CNTNAP4: variants seen among roughly 807,000 people sequenced by gnomAD.
CNTNAP4 encodes the protein contactin-associated protein-like 4.
In CNTNAP4, 98 loss-of-function variants were observed where a neutral mutation model predicts 148.4. That is an observed-to-expected ratio of 0.66 (90% confidence interval 0.56 to 0.78). The LOEUF (loss-of-function observed/expected upper bound fraction) is 0.78, where lower values mean the gene tolerates loss of function less well. CNTNAP4 is among the 30% of genes least tolerant of loss of function. The pLI, the probability that CNTNAP4 is intolerant of heterozygous loss-of-function variation, is 0.00. For synonymous variants in CNTNAP4, 730 were observed against 565.1 expected (o/e 1.29, Z -4.14); for missense variants, 1,935 against 1,565.6 (o/e 1.24, Z -3.98).
chr16:76,543,704 A>T (rs1207937954), intron 21 of CNTNAP4, among the ~76,000 whole-genome samples: 2 of 152,328 alleles, frequency 1.3e-5, no homozygotes, highest in Admixed American at 1.3e-4. Flanking sequence ...CTTGTTTGCC[A>T]GGGATGAGCC....
At chr16:76,393,522 G>T (rs2078097512) in intron 3 of CNTNAP4, among the ~76,000 whole-genome samples, 1 of 152,024 alleles carries the variant, frequency 6.6e-6, no homozygotes. Context: ...ACAGTCCTGG[G>T]CCCCAAAGTG....
chr16:76,558,308 A>G (rs554405868), intron 23 of CNTNAP4, 182 bp from the exon 24 acceptor site: 1 of 507,724 alleles, frequency 2.0e-6, no homozygotes, highest in Non-Finnish European at 3.5e-6. Context: ...GAACTCAGAA[A>G]TAAACTCAAC....
intron 3 of CNTNAP4, among the ~76,000 whole-genome samples, chr16:76,408,986 A>G (rs916546009): frequency 6.6e-6 from 1 of 152,044 alleles, no homozygotes; most frequent in Admixed American, 6.6e-5. Flanking sequence ...ACCTGCGGGA[A>G]CAAAGCCACA....
rs546714360 is a variant in CNTNAP4 at position 76,420,566 on chromosome 16, A to G, written c.391-6886A>G. Reference sequence around the variant, plus strand: ...CTTTATCCTAAAAAGTAGATCCTCTAAATTCTTACAAAAAGCCTATGGAAG... The same window carrying G: ...CTTTATCCTAAAAAGTAGATCCTCTGAATTCTTACAAAAAGCCTATGGAAG... On this transcript the variant is annotated intron_variant, in intron 3 of 23. Coordinates refer to ENST00000611870, the MANE Select transcript of CNTNAP4 (RefSeq NM_033401.5). Among the ~76,000 whole-genome samples, 8 of 152,056 alleles carry G rather than the reference A, an allele frequency of 5.3e-5. No homozygotes were observed. In the South Asian group the frequency reaches 1.5e-3, roughly 28 times the overall value.
intron 1 of CNTNAP4, among the ~76,000 whole-genome samples, chr16:76,306,186 A>T (rs750927299): frequency 2.0e-5 from 3 of 152,156 alleles, no homozygotes; most frequent in South Asian, 4.1e-4. Flanking sequence ...CAGTAATGAG[A>T]TTGCTGGATC....
At chr16:76,335,004 G>A (rs1438742420) in intron 2 of CNTNAP4, among the ~76,000 whole-genome samples, 1 of 152,086 alleles carries the variant, frequency 6.6e-6, no homozygotes, top group African/African-American at 2.4e-5. Context: ...GGAAAATGCT[G>A]TGGATCAGAA....
chr16:76,297,222 T>G (rs1307303733), intron 1 of CNTNAP4, among the ~76,000 whole-genome samples: 3 of 152,334 alleles, frequency 2.0e-5, no homozygotes, highest in Admixed American at 2.0e-4. Context: ...GGCATTTAGA[T>G]TTCATCATTT....
At chr16:76,428,477 T>C (rs1363021432) in intron 4 of CNTNAP4, among the ~76,000 whole-genome samples, 4 of 151,938 alleles carry the variant, frequency 2.6e-5, no homozygotes, top group Non-Finnish European at 5.9e-5. Flanking sequence ...TTTTCATACA[T>C]ACGCTGTCAC....
intron 4 of CNTNAP4, 103 bp downstream of exon 4, chr16:76,427,702 T>G: frequency 1.9e-6 from 2 of 1,065,938 alleles, no homozygotes; most frequent in Non-Finnish European, 2.6e-6. Context: ...TAAAGAGGTA[T>G]AAAAAATAGG....
At chr16:76,323,395 C>A (rs570350517) in intron 2 of CNTNAP4, among the ~76,000 whole-genome samples, 1 of 151,676 alleles carries the variant, frequency 6.6e-6, no homozygotes, top group South Asian at 2.1e-4. Flanking sequence ...AAATAAAGTT[C>A]CAGATTAATT....
intron 2 of CNTNAP4, among the ~76,000 whole-genome samples, chr16:76,352,093 G>A (rs893983908): frequency 6.6e-6 from 1 of 152,124 alleles, no homozygotes; most frequent in Non-Finnish European, 1.5e-5. Flanking sequence ...GGCTGAGAGG[G>A]TGACATTATA....
chr16:76,445,221 C>G (rs1205894175), intron 4 of CNTNAP4, among the ~76,000 whole-genome samples: 1 of 152,166 alleles, frequency 6.6e-6, no homozygotes. Flanking sequence ...GACCTGAGAA[C>G]TGAGAGAGCC....
chr16:76,292,564 T>C (rs1209897973), intron 1 of CNTNAP4, among the ~76,000 whole-genome samples: 1 of 152,222 alleles, frequency 6.6e-6, no homozygotes, highest in African/African-American at 2.4e-5. Flanking sequence ...TTTTCGGTTG[T>C]AACCATCAGC....
intron 1 of CNTNAP4, among the ~76,000 whole-genome samples, chr16:76,304,098 A>T (rs915905963): frequency 6.6e-6 from 1 of 152,154 alleles, no homozygotes; most frequent in Admixed American, 6.6e-5. Flanking sequence ...CCAGGTACCA[A>T]CTACTCTTTA....
chr16:76,549,630 TA>T (rs1275229099), intron 21 of CNTNAP4, among the ~76,000 whole-genome samples: 1 of 151,218 alleles, frequency 6.6e-6, no homozygotes, highest in Non-Finnish European at 1.5e-5. Context: ...GAGATTCTCA[TA>T]AAGCAAAAAA....
chr16:76,556,686 A>G (rs1187011152), intron 23 of CNTNAP4, among the ~76,000 whole-genome samples: 2 of 152,240 alleles, frequency 1.3e-5, no homozygotes, highest in African/African-American at 4.8e-5. Context: ...TTCTAAAATG[A>G]GAAGCAAAAT....
At chr16:76,406,155 C>G (rs1477172802) in intron 3 of CNTNAP4, among the ~76,000 whole-genome samples, 1 of 152,086 alleles carries the variant, frequency 6.6e-6, no homozygotes, top group Non-Finnish European at 1.5e-5. Flanking sequence ...CACTTTGTGT[C>G]TCTGTGTCAC....
chr16:76,518,821 C>G lies in CNTNAP4; in HGVS notation c.2366-2319C>G, dbSNP rs74651324. 7.3e-3 allele frequency among the ~76,000 whole-genome samples: 1,105 copies of G among 152,248 alleles called. 16 individuals carry two copies. The highest frequency in any genetic ancestry group is 0.023 in the African/African-American group (948 of 41,524). On this transcript the variant is annotated intron_variant, in intron 15 of 23. Coordinates refer to ENST00000611870, the MANE Select transcript of CNTNAP4 (RefSeq NM_033401.5). Reference sequence around the variant, plus strand: ...TTCTATCTAACTGGAATTTTGTATTCATTGCCCAATCTCTCTTCCTCTTTT... The same window carrying G: ...TTCTATCTAACTGGAATTTTGTATTGATTGCCCAATCTCTCTTCCTCTTTT...
chr16:76,487,190 C>T (rs2143749597), intron 12 of CNTNAP4, among the ~76,000 whole-genome samples: 1 of 152,296 alleles, frequency 6.6e-6, no homozygotes, highest in South Asian at 2.1e-4. Context: ...ATGTCAGAGC[C>T]ACCGCAGCAT....
Sources: gnomAD v4.1 joint callset for allele counts (sites outside exome capture counted in the v4.1 genomes callset) on GRCh38, gnomAD v4.1.1 for gene constraint, MANE v1.5 for transcripts, NCBI Gene and HGNC (gene_info 2026-07-23, HGNC 2026-07-21) for gene names.